CERS6: variants seen among roughly 807,000 people sequenced by gnomAD.
CERS6 encodes LAG1 homolog, ceramide synthase 6.
A neutral mutation model predicts 56.8 loss-of-function variants in CERS6; 26 were observed. That is an observed-to-expected ratio of 0.46 (90% CI 0.34 to 0.63). CERS6 has a LOEUF of 0.63. CERS6 is among the 30% of genes least tolerant of loss of function. The pLI is 0.01. For missense variants in CERS6, 415 were observed against 467.5 expected (o/e 0.89, Z 1.04); for synonymous variants, 164 against 173.3 (o/e 0.95, Z 0.42).
chr2:168,568,631 T>G (rs1476885945), intron 3 of CERS6, among the ~76,000 whole-genome samples: 1 of 152,284 alleles, frequency 6.6e-6, no homozygotes, highest in African/African-American at 2.4e-5. Flanking sequence ...GTGTCTGTAC[T>G]TGGCACCTGC....
intron 8 of CERS6, among the ~76,000 whole-genome samples, chr2:168,731,634 T>G (rs1005939319): frequency 3.3e-5 from 5 of 152,008 alleles, no homozygotes; most frequent in African/African-American, 1.2e-4. Context: ...TAGCAGGGGG[T>G]GGGGAATTAT....
chr2:168,636,318 ATAAGTT>A (rs1684859461), intron 4 of CERS6, among the ~76,000 whole-genome samples: 1 of 152,338 alleles, frequency 6.6e-6, no homozygotes, highest in East Asian at 1.9e-4. Flanking sequence ...AACAACTTAG[ATAAGTT>A]TTAAAAAGCT....
At chr2:168,477,173 CAGAG>C (rs10609883) in intron 1 of CERS6, among the ~76,000 whole-genome samples, 20,693 of 115,000 alleles carry the variant, frequency 0.18, 1,648 homozygotes, top group South Asian at 0.29. Context: ...GAGGGAGAGA[CAGAG>C]AGAGAGAGAG....
intron 8 of CERS6, among the ~76,000 whole-genome samples, chr2:168,738,125 A>G (rs1472589671): frequency 6.6e-6 from 1 of 152,250 alleles, no homozygotes; most frequent in Non-Finnish European, 1.5e-5. Context: ...TTACACACTT[A>G]AGTGAAATAG....
intron 4 of CERS6, among the ~76,000 whole-genome samples, chr2:168,652,197 G>A (rs374542289): frequency 2.6e-5 from 4 of 152,038 alleles, no homozygotes; most frequent in African/African-American, 9.7e-5. Context: ...AGTCATTAGG[G>A]TCACTAGTGG....
intron 4 of CERS6, among the ~76,000 whole-genome samples, chr2:168,680,056 G>A (rs998941587): frequency 6.6e-6 from 1 of 152,220 alleles, no homozygotes; most frequent in East Asian, 1.9e-4. Flanking sequence ...CTGGAGTTCT[G>A]TGGAGAGAAA....
At chr2:168,614,341 A>G (rs1389693268) in intron 3 of CERS6, among the ~76,000 whole-genome samples, 3 of 152,184 alleles carry the variant, frequency 2.0e-5, no homozygotes, top group East Asian at 3.8e-4. Flanking sequence ...ACATACTTGT[A>G]TTTTCTTTAC....
At chr2:168,657,063 T>C (rs981063644) in intron 4 of CERS6, among the ~76,000 whole-genome samples, 1 of 149,594 alleles carries the variant, frequency 6.7e-6, no homozygotes, top group Non-Finnish European at 1.5e-5. Flanking sequence ...AGAGTGCCGA[T>C]TGGTGTATTT....
chr2:168,562,801 C>A (rs1467280233), intron 3 of CERS6, among the ~76,000 whole-genome samples: 1 of 152,130 alleles, frequency 6.6e-6, no homozygotes, highest in Admixed American at 6.5e-5. Flanking sequence ...TCAGCAAAGC[C>A]CTCTCAATAA....
intron 9 of CERS6, among the ~76,000 whole-genome samples, chr2:168,768,838 G>A (rs112096924): frequency 0.013 from 1,884 of 150,496 alleles, 49 homozygotes; most frequent in African/African-American, 0.044. Flanking sequence ...CCCAGGAGGC[G>A]GAGGTTGCAG....
chr2:168,574,511 A>G (rs570675555), intron 3 of CERS6, among the ~76,000 whole-genome samples: 2 of 152,162 alleles, frequency 1.3e-5, no homozygotes, highest in African/African-American at 4.8e-5. Flanking sequence ...TCTTTATTTT[A>G]TCATCATCCT....
intron 8 of CERS6, among the ~76,000 whole-genome samples, chr2:168,752,070 G>A (rs1356738739): frequency 6.6e-6 from 1 of 152,060 alleles, no homozygotes; most frequent in Non-Finnish European, 1.5e-5. Context: ...GTTAGGGAGG[G>A]AGTACCCAGA....
At chr2:168,681,653 C>A (rs1006419259) in intron 4 of CERS6, among the ~76,000 whole-genome samples, 1 of 152,068 alleles carries the variant, frequency 6.6e-6, no homozygotes, top group Non-Finnish European at 1.5e-5. Context: ...CATTCAAAAC[C>A]CACTCTTCCA....
In CERS6 at chr2:168,473,968, G is replaced by A. The variant is rs1167836712; in HGVS notation, c.170+17350G>A. On this transcript the variant is annotated intron_variant, in intron 1 of 9. Coordinates refer to ENST00000305747, the MANE Select transcript of CERS6 (RefSeq NM_203463.3). ...AGCTACTCAAGAGGCTGAGGCAGGAGGACTGTTTGAGGCTAGGAGTTGAAA... is the reference window on the plus strand; with the variant it reads ...AGCTACTCAAGAGGCTGAGGCAGGAAGACTGTTTGAGGCTAGGAGTTGAAA... 2.6e-5 allele frequency among the ~76,000 whole-genome samples: 4 copies of A among 152,200 alleles called. No individual in the cohort carries two copies. In the South Asian group the frequency reaches 8.3e-4, roughly 31 times the overall value.
At chr2:168,718,894 C>T (rs748208490) in intron 8 of CERS6, among the ~76,000 whole-genome samples, 10 of 152,158 alleles carry the variant, frequency 6.6e-5, no homozygotes, top group Non-Finnish European at 1.5e-4. Flanking sequence ...CAGGTAGAGG[C>T]AGAGTCAGAA....
chr2:168,604,076 G>A (rs1218650936), intron 3 of CERS6, among the ~76,000 whole-genome samples: 1 of 152,198 alleles, frequency 6.6e-6, no homozygotes, highest in Non-Finnish European at 1.5e-5. Context: ...AAGGAAAAAT[G>A]TGTTTGAGGG....
chr2:168,676,527 A>C (rs1299941173), intron 4 of CERS6, among the ~76,000 whole-genome samples: 1 of 152,264 alleles, frequency 6.6e-6, no homozygotes, highest in African/African-American at 2.4e-5. Context: ...AAATACTAAC[A>C]ATATTAACTT....
intron 1 of CERS6, among the ~76,000 whole-genome samples, chr2:168,533,081 C>T (rs1280701858): frequency 6.6e-6 from 1 of 152,222 alleles, no homozygotes. Context: ...TTTCTCACTA[C>T]TCTTCCTGAT....
At chr2:168,699,055 C>T (rs983726498) in intron 6 of CERS6, among the ~76,000 whole-genome samples, 1 of 152,172 alleles carries the variant, frequency 6.6e-6, no homozygotes, top group Non-Finnish European at 1.5e-5. Context: ...AAGGCCTTTT[C>T]CTCTGCTGCC....
Sources: allele counts gnomAD v4.1 joint callset (sites outside exome capture counted in the v4.1 genomes callset), GRCh38; gene constraint gnomAD v4.1.1; transcripts MANE v1.5; gene names NCBI Gene and HGNC (gene_info 2026-07-23, HGNC 2026-07-21).